ZMAT4: variants seen among roughly 807,000 people sequenced by gnomAD.
The protein encoded by ZMAT4 is zinc finger matrin-type 4.
In ZMAT4, 17 loss-of-function variants were observed where a neutral mutation model predicts 28.7. The observed-to-expected ratio is 0.59, with a 90% CI of 0.41 to 0.89. The LOEUF is 0.89. Among genes scored for constraint, ZMAT4 ranks in the 40% least tolerant of loss-of-function variants. The pLI is 0.00. For synonymous variants in ZMAT4, 117 were observed against 109.2 expected, an observed-to-expected ratio of 1.07 and a Z score of -0.44; for missense variants, 240 against 283.8, an observed-to-expected ratio of 0.85 and a Z score of 1.11.
intron 6 of ZMAT4, among the ~76,000 whole-genome samples, chr8:40,540,865 G>A (rs751902940): frequency 4.6e-5 from 7 of 152,120 alleles, no homozygotes; most frequent in African/African-American, 9.7e-5. Context: ...CCCACTCCAC[G>A]TTGGCAGGTA....
intron 6 of ZMAT4, 97 bp downstream of exon 6, chr8:40,581,068 T>C: frequency 1.0e-6 from 1 of 980,008 alleles, no homozygotes; most frequent in South Asian, 1.6e-5. Context: ...TAATTTCCAC[T>C]CTACTTATTT....
intron 3 of ZMAT4, among the ~76,000 whole-genome samples, chr8:40,703,929 A>G (rs1035114510): frequency 6.6e-6 from 1 of 152,188 alleles, no homozygotes; most frequent in African/African-American, 2.4e-5. Flanking sequence ...TTTGTTCATG[A>G]TGGCTCCCAT....
At chr8:40,586,735 G>A (rs1804682450) in intron 5 of ZMAT4, among the ~76,000 whole-genome samples, 2 of 152,280 alleles carry the variant, frequency 1.3e-5, no homozygotes, top group Non-Finnish European at 2.9e-5. Context: ...ATATCATTGA[G>A]CCTTTATTAC....
At chr8:40,703,027 A>ATATATATATATT (rs1554542588) in intron 3 of ZMAT4, among the ~76,000 whole-genome samples, 19 of 151,998 alleles carry the variant, frequency 1.3e-4, no homozygotes, top group African/African-American at 3.6e-4. Flanking sequence ...ATATATATAT[A>ATATATATATATT]TTCAATAAGG....
At chr8:40,812,927 C>T (rs1277153175) in intron 2 of ZMAT4, among the ~76,000 whole-genome samples, 2 of 132,140 alleles carry the variant, frequency 1.5e-5, no homozygotes, top group African/African-American at 6.0e-5. Flanking sequence ...GAGCAAAACT[C>T]CATCTCAAAA....
chr8:40,662,136 T>A (rs1394905992), intron 5 of ZMAT4, among the ~76,000 whole-genome samples: 1 of 73,738 alleles, frequency 1.4e-5, no homozygotes, highest in African/African-American at 5.0e-5. Flanking sequence ...ACCACCATGC[T>A]TGGCTAATTT....
rs528230065 is a variant in ZMAT4 at position 40,550,087 on chromosome 8, C to T, written c.675-17849G>A. 3.3e-5 allele frequency among the ~76,000 whole-genome samples: 5 copies of T among 152,202 alleles called. No homozygotes were observed. The East Asian group carries it at 9.7e-4, about 30-fold the overall frequency. On this transcript the variant is annotated intron_variant, in intron 6 of 6. Transcript: ENST00000297737. ...GAGAGTGTGTCTCACAGTACTTTCC[C>T]TATGGGGAGTAGTCAATCAAGGTTC... is the stretch of plus-strand genomic sequence containing the variant.
At chr8:40,810,318 G>T (rs80277371) in intron 2 of ZMAT4, among the ~76,000 whole-genome samples, 1 of 152,092 alleles carries the variant, frequency 6.6e-6, no homozygotes, top group East Asian at 1.9e-4. Context: ...ATAGATACGT[G>T]ATTTGTCCCT....
chr8:40,545,274 A>C (rs2118397131), intron 6 of ZMAT4, among the ~76,000 whole-genome samples: 1 of 152,148 alleles, frequency 6.6e-6, no homozygotes, highest in South Asian at 2.1e-4. Context: ...AGAGACCAGA[A>C]CCCAGTTACA....
chr8:40,816,753 A>G (rs1010720505), intron 2 of ZMAT4, among the ~76,000 whole-genome samples: 3 of 152,326 alleles, frequency 2.0e-5, no homozygotes, highest in Non-Finnish European at 2.9e-5. Flanking sequence ...TTGTTACTAT[A>G]TTCATTACTA....
intron 6 of ZMAT4, among the ~76,000 whole-genome samples, chr8:40,570,949 C>T (rs1238281979): frequency 6.6e-6 from 1 of 152,096 alleles, no homozygotes. Flanking sequence ...GAGATTGGTA[C>T]TGGAGGACTA....
chr8:40,882,139 G>T (rs1297542199), intron 1 of ZMAT4, among the ~76,000 whole-genome samples: 1 of 152,146 alleles, frequency 6.6e-6, no homozygotes, highest in Non-Finnish European at 1.5e-5. Context: ...CCTTGTGGCC[G>T]CCTCGGAGCT....
chr8:40,615,133 T>C (rs1051496197), intron 5 of ZMAT4, among the ~76,000 whole-genome samples: 1 of 152,148 alleles, frequency 6.6e-6, no homozygotes, highest in Non-Finnish European at 1.5e-5. Flanking sequence ...GGTGACAAAA[T>C]CTCTCAGCAT....
chr8:40,668,205 C>A (rs1485307963), intron 5 of ZMAT4, among the ~76,000 whole-genome samples: 22 of 152,088 alleles, frequency 1.4e-4, no homozygotes. Flanking sequence ...GGCGCAGTGG[C>A]TCATGTCTGC....
intron 5 of ZMAT4, among the ~76,000 whole-genome samples, chr8:40,630,699 C>T (rs1406444351): frequency 2.0e-5 from 3 of 152,176 alleles, no homozygotes; most frequent in Non-Finnish European, 4.4e-5. Context: ...TTAATGCATA[C>T]ATGTGCACGA....
intron 5 of ZMAT4, among the ~76,000 whole-genome samples, chr8:40,622,032 T>C (rs1322736754): frequency 6.6e-6 from 1 of 152,210 alleles, no homozygotes; most frequent in Non-Finnish European, 1.5e-5. Flanking sequence ...TAAGAACATT[T>C]ATTATATGCT....
intron 4 of ZMAT4, among the ~76,000 whole-genome samples, chr8:40,675,755 T>C (rs978195110): frequency 2.0e-5 from 3 of 152,232 alleles, no homozygotes. Context: ...TCATGCTAAT[T>C]TTATTGTCAG....
At chr8:40,824,562 G>A (rs1351465463) in intron 2 of ZMAT4, among the ~76,000 whole-genome samples, 2 of 151,052 alleles carry the variant, frequency 1.3e-5, no homozygotes, top group Admixed American at 6.6e-5. Context: ...AGCATCTTGG[G>A]ATGCCGCAGC....
chr8:40,650,420 T>G (rs994647675), intron 5 of ZMAT4, among the ~76,000 whole-genome samples: 4 of 119,524 alleles, frequency 3.3e-5, no homozygotes, highest in African/African-American at 1.1e-4. Context: ...GATCTGAAAT[T>G]GTGGCAATAA....
Sources: gnomAD v4.1 joint callset for allele counts (sites outside exome capture counted in the v4.1 genomes callset) on GRCh38, gnomAD v4.1.1 for gene constraint, MANE v1.5 for transcripts, NCBI Gene and HGNC (gene_info 2026-07-23, HGNC 2026-07-21) for gene names.